The following GOLGA4 variants were observed in gnomAD, a reference collection of about 807,000 sequenced individuals.
GOLGA4 encodes the protein golgin A4, also known as golgin subfamily A member 4.
Under a neutral mutation model 265.9 loss-of-function variants are expected in GOLGA4, and 169 were observed. That is an observed-to-expected ratio of 0.64 (90% CI 0.56 to 0.72). GOLGA4 has a LOEUF of 0.72. Ranked by LOEUF, GOLGA4 falls within the 30% of genes least tolerant of loss-of-function variation. The probability of loss-of-function intolerance (pLI) is 0.00; values close to 1 mark genes in which losing one functional copy is unlikely to be tolerated. For synonymous variants in GOLGA4, 923 were observed against 855.8 expected (o/e 1.08, Z -1.37); for missense variants, 2,482 against 2,483.4 (o/e 1.00, Z 0.01).
At chr3:37,313,082 A>G (rs1050663610) in intron 10 of GOLGA4, among the ~76,000 whole-genome samples, 5 of 152,162 alleles carry the variant, frequency 3.3e-5, no homozygotes, top group Non-Finnish European at 7.4e-5. Context: ...GGGCACCTGT[A>G]GTCCCAGCTA....
chr3:37,299,352 A>G lies in GOLGA4; in HGVS notation c.1067A>G (p.Glu356Gly). Reference sequence around the variant, plus strand: ...TTGCGTGATGCAAAGAACTTAATTGAACAGCTTGAACAAGATAAGGTAAAA... The same window carrying G: ...TTGCGTGATGCAAAGAACTTAATTGGACAGCTTGAACAAGATAAGGTAAAA... ...TQLRDAKNLIEQLEQDKGMVI... is the reference protein window; with the variant it reads ...TQLRDAKNLIGQLEQDKGMVI... The change falls in exon 9 of 24, where the codon GAA becomes GGA. Residue 356 changes from glutamate (E) to glycine (G), a missense_variant. Transcript: ENST00000361924. 6.2e-7 allele frequency: 1 copy of G among 1,610,970 alleles called. No homozygotes were observed. The highest frequency in any genetic ancestry group is 8.5e-7 in the Non-Finnish European group (1 of 1,177,306).
At chr3:37,340,041 C>A in intron 19 of GOLGA4, 83 bp from the exon 20 acceptor site, 10 of 617,004 alleles carry the variant, frequency 1.6e-5, no homozygotes, top group Non-Finnish European at 1.2e-5. Context: ...CATTAAAAAA[C>A]CTTGTGGTGA....
intron 16 of GOLGA4, among the ~76,000 whole-genome samples, chr3:37,329,756 G>A (rs2150981932): frequency 1.3e-5 from 2 of 152,270 alleles, no homozygotes; most frequent in South Asian, 4.1e-4. Context: ...AATCATAAAT[G>A]CTAGTTAGTA....
chr3:37,328,654 C>A, intron 15 of GOLGA4, 117 bp downstream of exon 15: 2 of 972,328 alleles, frequency 2.1e-6, no homozygotes, highest in Non-Finnish European at 3.0e-6. Context: ...AAGAAATAAT[C>A]CTTGCCCAAT....
rs1480796976 is a variant in GOLGA4, at chr3:37,366,090, G to A, written c.*44G>A. On this transcript the variant is annotated 3_prime_UTR_variant, in exon 24 of 24. Coordinates refer to ENST00000361924, the MANE Select transcript of GOLGA4 (RefSeq NM_002078.5). ...CTTTTTCTTTTCCAGTCATGGCTCC[G>A]ATCTTCATCTTGAAGAAGAGTGACA... The A allele has an allele frequency of 2.6e-6, 4 of 1,527,294 alleles. No homozygotes were observed. Among genetic ancestry groups the A allele is most frequent in the South Asian group, 1.2e-5 (1 of 82,676 alleles). 94.6% of individuals were successfully genotyped at this position (1,527,294 alleles called of 1,614,324 possible). A position where few individuals can be genotyped will look rare whatever the true frequency, so the allele number is the denominator to read the frequency against.
intron 11 of GOLGA4, among the ~76,000 whole-genome samples, chr3:37,316,859 AT>A (rs542927903): frequency 1.4e-3 from 209 of 146,316 alleles, no homozygotes; most frequent in South Asian, 3.2e-3. Context: ...TGGTATCTGA[AT>A]TTTTTTTTTT....
chr3:37,254,091 T>C (rs1286025480), intron 2 of GOLGA4, among the ~76,000 whole-genome samples: 1 of 152,028 alleles, frequency 6.6e-6, no homozygotes, highest in East Asian at 1.9e-4. Flanking sequence ...GTATGCAAAC[T>C]AATATACTAT....
intron 20 of GOLGA4, 76 bp from the exon 21 acceptor site, chr3:37,347,117 T>A (rs1578826096): frequency 2.4e-6 from 2 of 849,000 alleles, no homozygotes; most frequent in Non-Finnish European, 3.9e-6. Context: ...GGTTGTTTTT[T>A]AAATCTATTT....
chr3:37,302,104 C>A, intron 9 of GOLGA4, 81 bp from the exon 10 acceptor site: 1 of 1,265,332 alleles, frequency 7.9e-7, no homozygotes, highest in Non-Finnish European at 1.1e-6. Context: ...CCTTTTTCTG[C>A]CTTTTAAATT....
At chr3:37,257,337 G>C (rs1367797355) in intron 2 of GOLGA4, among the ~76,000 whole-genome samples, 1 of 152,120 alleles carries the variant, frequency 6.6e-6, no homozygotes, top group African/African-American at 2.4e-5. Flanking sequence ...ACCTGGAATA[G>C]ACTGGTGAGG....
chr3:37,279,015 A>G (rs2096827380), intron 2 of GOLGA4, among the ~76,000 whole-genome samples: 1 of 152,098 alleles, frequency 6.6e-6, no homozygotes, highest in Non-Finnish European at 1.5e-5. Flanking sequence ...TGAAAAGTTG[A>G]TTGTTGAGTT....
At chr3:37,247,139 G>T (rs1330074136) in intron 1 of GOLGA4, among the ~76,000 whole-genome samples, 2 of 152,108 alleles carry the variant, frequency 1.3e-5, no homozygotes, top group African/African-American at 4.8e-5. Context: ...AAATATAAAG[G>T]TTTATTTGAA....
chr3:37,340,279 C>A, intron 20 of GOLGA4, 80 bp downstream of exon 20: 2 of 573,718 alleles, frequency 3.5e-6, no homozygotes, highest in African/African-American at 2.0e-5. Context: ...TTTGTTTTTG[C>A]TAATTTATAT....
Position 37,349,682 on chromosome 3 carries a change from T to C in GOLGA4, c.6576+2386T>C, listed in dbSNP as rs186150537. Among the ~76,000 whole-genome samples, 517 of 152,272 alleles carry C rather than the reference T, an allele frequency of 3.4e-3. 4 individuals are homozygous for C. Among genetic ancestry groups the C allele is most frequent in the African/African-American group, 0.012 (504 of 41,552 alleles). ...TCAGAGCTGTTTTTAGACATGTCTT[T>C]TGTGGGTTTGCCCAATTTCTATACA... On this transcript the variant is annotated intron_variant, in intron 21 of 23. Coordinates refer to ENST00000361924, the MANE Select transcript of GOLGA4 (RefSeq NM_002078.5).
intron 11 of GOLGA4, among the ~76,000 whole-genome samples, chr3:37,317,046 C>A (rs1167953122): frequency 6.6e-6 from 1 of 152,050 alleles, no homozygotes; most frequent in African/African-American, 2.4e-5. Flanking sequence ...CATAGTGATA[C>A]CCCATTTATT....
intron 1 of GOLGA4, among the ~76,000 whole-genome samples, chr3:37,244,728 T>C (rs1201083039): frequency 6.6e-6 from 1 of 152,236 alleles, no homozygotes; most frequent in African/African-American, 2.4e-5. Flanking sequence ...GTAAAGCTCA[T>C]GTGTAGTAAA....
intron 11 of GOLGA4, among the ~76,000 whole-genome samples, 174 bp from the exon 12 acceptor site, chr3:37,318,889 C>G (rs2096945751): frequency 6.6e-6 from 1 of 152,208 alleles, no homozygotes; most frequent in African/African-American, 2.4e-5. Flanking sequence ...ATTCTTTTAA[C>G]TATCATGGCT....
intron 21 of GOLGA4, among the ~76,000 whole-genome samples, chr3:37,354,104 G>C (rs1050118215): frequency 2.0e-5 from 3 of 151,982 alleles, no homozygotes; most frequent in African/African-American, 7.2e-5. Context: ...TTCCTTCCTG[G>C]AAATAATTGT....
chr3:37,361,346 C>G, intron 23 of GOLGA4, 41 bp downstream of exon 23: 1 of 1,419,240 alleles, frequency 7.0e-7, no homozygotes, highest in Non-Finnish European at 1.0e-6. Flanking sequence ...GTGCAAAAAT[C>G]AAATGTGTTG....
Sources: allele counts gnomAD v4.1 joint callset (sites outside exome capture counted in the v4.1 genomes callset), GRCh38; gene constraint gnomAD v4.1.1; transcripts MANE v1.5; gene names NCBI Gene and HGNC (gene_info 2026-07-23, HGNC 2026-07-21).